The following SAMD7 variants were observed in gnomAD, a reference collection of about 807,000 sequenced individuals.
SAMD7 encodes sterile alpha motif domain containing 7, also known as sterile alpha motif domain-containing protein 7.
SAMD7 carries 34 observed loss-of-function variants against 36.7 expected under a neutral mutation model. The observed-to-expected ratio is 0.93, with a 90% CI of 0.71 to 1.23. The LOEUF (loss-of-function observed/expected upper bound fraction) is 1.23. Among genes scored for constraint, SAMD7 ranks in the 50% most tolerant of loss-of-function variants. SAMD7 has a pLI of 0.00. For missense variants in SAMD7, 570 were observed against 546.6 expected (o/e 1.04, Z -0.43); for synonymous variants, 188 against 189.7 (o/e 0.99, Z 0.07).
intron 4 of SAMD7, among the ~76,000 whole-genome samples, chr3:169,921,546 A>G (rs751400294): frequency 6.6e-6 from 1 of 152,176 alleles, no homozygotes; most frequent in African/African-American, 2.4e-5. Flanking sequence ...CTAAGTGTCA[A>G]TTTATTCATG....
chr3:169,928,728 T>C (rs1713370497), intron 7 of SAMD7, 150 bp downstream of exon 7: 2 of 806,890 alleles, frequency 2.5e-6, no homozygotes, highest in African/African-American at 3.5e-5. Flanking sequence ...GGGACAGGTC[T>C]CTGATTGGTG....
At chr3:169,926,367 C>A in intron 5 of SAMD7, 186 bp from the exon 6 acceptor site, 2 of 1,216,276 alleles carry the variant, frequency 1.6e-6, no homozygotes, top group Non-Finnish European at 2.2e-6. Flanking sequence ...CATTGTGAGA[C>A]TCAGACAAAG....
At chr3:169,916,713 A>C (rs1010396843) in intron 2 of SAMD7, among the ~76,000 whole-genome samples, 1 of 152,188 alleles carries the variant, frequency 6.6e-6, no homozygotes, top group African/African-American at 2.4e-5. Context: ...CTCACTTATG[A>C]GTAAGTTCAA....
intron 2 of SAMD7, among the ~76,000 whole-genome samples, chr3:169,917,460 A>G (rs1003032801): frequency 2.6e-5 from 4 of 152,068 alleles, no homozygotes; most frequent in African/African-American, 9.7e-5. Flanking sequence ...TCATGGGTAC[A>G]TAGGTGTATA....
intron 4 of SAMD7, among the ~76,000 whole-genome samples, chr3:169,922,491 A>G (rs1308487875): frequency 6.6e-6 from 1 of 152,042 alleles, no homozygotes; most frequent in Admixed American, 6.6e-5. Flanking sequence ...CACATTTATC[A>G]CCTTTTTTGT....
At chr3:169,926,068 A>G (rs541551115) in intron 5 of SAMD7, 2 of 371,278 alleles carry the variant, frequency 5.4e-6, no homozygotes, top group East Asian at 1.6e-4. Context: ...AAGGGGTCCA[A>G]TTGAGGACCA....
intron 7 of SAMD7, 75 bp from the exon 8 acceptor site, chr3:169,936,264 A>T (rs753196946): frequency 2.8e-4 from 261 of 945,572 alleles, no homozygotes; most frequent in Non-Finnish European, 4.0e-4. Context: ...TCCAAAACTA[A>T]AATATCTAGG....
chr3:169,921,058 C>T (rs1217154859), intron 3 of SAMD7, among the ~76,000 whole-genome samples, 156 bp from the exon 4 acceptor site: 1 of 152,164 alleles, frequency 6.6e-6, no homozygotes, highest in Non-Finnish European at 1.5e-5. Flanking sequence ...CATATTTCTC[C>T]ATAAATTCAT....
intron 1 of SAMD7, among the ~76,000 whole-genome samples, chr3:169,914,523 A>G (rs995669972): frequency 6.6e-6 from 1 of 152,212 alleles, no homozygotes; most frequent in Non-Finnish European, 1.5e-5. Flanking sequence ...ACATGTGGAC[A>G]TTTCTGCAGG....
intron 7 of SAMD7, chr3:169,932,444 G>T: frequency 1.6e-6 from 1 of 610,276 alleles, no homozygotes. Context: ...GACACAATGC[G>T]GAGGTAGCAG....
intron 4 of SAMD7, 24 bp downstream of exon 4, chr3:169,921,362 C>G (rs771201187): frequency 6.2e-6 from 10 of 1,610,326 alleles, no homozygotes; most frequent in East Asian, 4.5e-5. Context: ...AAGTTTGGCT[C>G]TCATCTGTGG....
rs1008021956 is a variant in SAMD7, at chr3:169,938,190, C to G, written c.1153-128C>G. On this transcript the variant is annotated intron_variant, in intron 8 of 8. Coordinates refer to ENST00000335556, the MANE Select transcript of SAMD7 (RefSeq NM_001304366.2). ...CCCACCACATCCTACAATTGTGACC[C>G]CCACAACTATATGTTAATAGATGCT... 9.5e-6 allele frequency: 6 copies of G among 632,294 alleles called. No individual in the cohort carries two copies. The African/African-American group carries it at 1.1e-4, about 12-fold the overall frequency. 39.2% of individuals were successfully genotyped at this position (632,294 alleles called of 1,614,324 possible).
chr3:169,934,213 G>T (rs912679704), intron 7 of SAMD7, among the ~76,000 whole-genome samples: 1 of 152,196 alleles, frequency 6.6e-6, no homozygotes, highest in African/African-American at 2.4e-5. Context: ...ATTGCAGAAA[G>T]ATCACTCAGG....
intron 8 of SAMD7, among the ~76,000 whole-genome samples, 183 bp downstream of exon 8, chr3:169,936,632 T>G (rs1327445562): frequency 6.6e-6 from 1 of 152,188 alleles, no homozygotes; most frequent in East Asian, 1.9e-4. Context: ...GTGGTACACA[T>G]TCCTAGATAT....
intron 5 of SAMD7, chr3:169,926,347 T>G: frequency 7.8e-7 from 1 of 1,287,274 alleles, no homozygotes; most frequent in Non-Finnish European, 1.0e-6. Flanking sequence ...AAGACTGGCC[T>G]TTGGACTTCC....
chr3:169,925,145 G>A lies in SAMD7; in HGVS notation c.290+9G>A. On this transcript the variant is annotated intron_variant, in intron 5 of 8. Coordinates refer to ENST00000335556, the MANE Select transcript of SAMD7 (RefSeq NM_001304366.2). ...CGGCATCATACTGCCAGGTAATTTG[G>A]CAATGTTGTTTTATTTATTCTCTAT... is the stretch of plus-strand genomic sequence containing the variant. 3 of 1,587,384 alleles carry A rather than the reference G, an allele frequency of 1.9e-6. No homozygotes were observed. Among genetic ancestry groups the A allele is most frequent in the Non-Finnish European group, 2.6e-6 (3 of 1,161,988 alleles).
intron 8 of SAMD7, 68 bp from the exon 9 acceptor site, chr3:169,938,250 T>G: frequency 1.0e-6 from 1 of 988,460 alleles, no homozygotes; most frequent in Non-Finnish European, 1.6e-6. Context: ...CTCTGTGATG[T>G]GTGTTTAATG....
At chr3:169,916,671 G>C (rs1383311441) in intron 2 of SAMD7, among the ~76,000 whole-genome samples, 1 of 152,068 alleles carries the variant, frequency 6.6e-6, no homozygotes, top group East Asian at 1.9e-4. Context: ...AAACAAAATA[G>C]AGCCTGTAAC....
At chr3:169,925,222 G>A (rs1713208422) in intron 5 of SAMD7, 86 bp downstream of exon 5, 1 of 785,364 alleles carries the variant, frequency 1.3e-6, no homozygotes, top group African/African-American at 1.8e-5. Context: ...CAAATGAATA[G>A]ATGAATATAT....
Sources: allele counts gnomAD v4.1 joint callset (sites outside exome capture counted in the v4.1 genomes callset), GRCh38; gene constraint gnomAD v4.1.1; transcripts MANE v1.5; gene names NCBI Gene and HGNC (gene_info 2026-07-23, HGNC 2026-07-21).